The following AKAP7 variants were observed in gnomAD, a reference collection of about 807,000 sequenced individuals.
AKAP7 encodes A kinase (PRKA) anchor protein 7.
In AKAP7, 39 loss-of-function variants were observed where a neutral mutation model predicts 39.5. That is an observed-to-expected ratio of 0.99 (90% CI 0.76 to 1.29). The LOEUF (loss-of-function observed/expected upper bound fraction) is 1.29. Ranked by LOEUF, AKAP7 falls within the 50% of genes most tolerant of loss-of-function variation. AKAP7 has a pLI of 0.00. For synonymous variants in AKAP7, 140 were observed against 139.1 expected (o/e 1.01, Z -0.05); for missense variants, 414 against 407.7 (o/e 1.02, Z -0.13).
intron 7 of AKAP7, among the ~76,000 whole-genome samples, chr6:131,247,334 T>C (rs1272480223): frequency 2.2e-5 from 3 of 134,786 alleles, no homozygotes; most frequent in Non-Finnish European, 4.8e-5. Flanking sequence ...TTCTTTTTTT[T>C]TTTTTTTCCG....
intron 6 of AKAP7, among the ~76,000 whole-genome samples, chr6:131,203,056 G>T (rs1807754181): frequency 6.6e-6 from 1 of 152,120 alleles, no homozygotes; most frequent in Non-Finnish European, 1.5e-5. Flanking sequence ...CAGATGATCT[G>T]CAGAGGAATA....
At chr6:131,269,205 G>A (rs943947826) in intron 7 of AKAP7, among the ~76,000 whole-genome samples, 15 of 152,182 alleles carry the variant, frequency 9.9e-5, no homozygotes, top group African/African-American at 3.6e-4. Flanking sequence ...TGGGATTACA[G>A]ACATGAGCCA....
intron 5 of AKAP7, among the ~76,000 whole-genome samples, chr6:131,176,539 G>A (rs1470366351): frequency 6.6e-6 from 1 of 151,902 alleles, no homozygotes; most frequent in African/African-American, 2.4e-5. Context: ...AATTATAATA[G>A]TTCTTGCAAA....
intron 4 of AKAP7, among the ~76,000 whole-genome samples, chr6:131,165,518 C>T (rs1803392756): frequency 2.0e-5 from 3 of 152,180 alleles, no homozygotes; most frequent in African/African-American, 7.2e-5. Flanking sequence ...ATTCTGGAAT[C>T]ATGGCAAAAC....
chr6:131,145,629 G>A (rs1801423809), intron 2 of AKAP7, among the ~76,000 whole-genome samples: 1 of 152,102 alleles, frequency 6.6e-6, no homozygotes, highest in African/African-American at 2.4e-5. Context: ...CTGCAGCCTT[G>A]ACCTGCCAGT....
chr6:131,157,807 T>G lies in AKAP7; in HGVS notation c.152-2252T>G, dbSNP rs143342800. Among the ~76,000 whole-genome samples, 4 of 152,356 alleles carry G rather than the reference T, an allele frequency of 2.6e-5. No homozygotes were observed. The East Asian group carries it at 7.7e-4, about 29-fold the overall frequency. On this transcript the variant is annotated intron_variant, in intron 2 of 7. Transcript: ENST00000431975. The stretch of plus-strand genomic sequence containing the variant: ...CGTGTATCCTCTAATCATGAAGAGC[T>G]ATCATTAGCCACATTAATCATTAGA...
At chr6:131,150,868 G>C (rs899100142) in intron 2 of AKAP7, among the ~76,000 whole-genome samples, 1 of 152,104 alleles carries the variant, frequency 6.6e-6, no homozygotes, top group African/African-American at 2.4e-5. Flanking sequence ...TCCTTAAAAC[G>C]TAACTAGCCT....
chr6:131,184,628 C>T, intron 5 of AKAP7: 1 of 755,456 alleles, frequency 1.3e-6, no homozygotes, highest in South Asian at 1.4e-5. Flanking sequence ...GACACCACCT[C>T]CTCAGGTTGT....
intron 7 of AKAP7, among the ~76,000 whole-genome samples, chr6:131,249,413 C>T (rs1422078218): frequency 6.6e-6 from 1 of 151,962 alleles, no homozygotes; most frequent in East Asian, 1.9e-4. Context: ...GCTGCAGGCT[C>T]TTTTTGTTTG....
At chr6:131,133,145 T>C (rs138142052), upstream of AKAP7, among the ~76,000 whole-genome samples, 899 of 152,272 alleles carry the variant, frequency 5.9e-3, 5 homozygotes, top group African/African-American at 0.02. Flanking sequence ...TTCTAAAAAG[T>C]CATGGTAAAT....
chr6:131,268,120 T>C (rs1287385484), intron 7 of AKAP7, among the ~76,000 whole-genome samples: 19 of 152,192 alleles, frequency 1.2e-4, no homozygotes, highest in Admixed American at 1.2e-3. Context: ...TATTGGACAT[T>C]TCAAGCTGAG....
At chr6:131,132,314 G>GAA (rs11307437), upstream of AKAP7, among the ~76,000 whole-genome samples, 12,506 of 143,326 alleles carry the variant, frequency 0.087, 1,238 homozygotes, top group East Asian at 0.56. Flanking sequence ...TTCCGTCTCA[G>GAA]AAAAAAAAAA....
intron 2 of AKAP7, among the ~76,000 whole-genome samples, chr6:131,148,907 C>T (rs977108236): frequency 2.0e-5 from 3 of 152,144 alleles, no homozygotes; most frequent in Admixed American, 2.0e-4. Context: ...CCTCAAAATT[C>T]TCAGGTTGTT....
At chr6:131,230,617 G>A (rs527299562) in intron 7 of AKAP7, among the ~76,000 whole-genome samples, 1 of 152,136 alleles carries the variant, frequency 6.6e-6, no homozygotes, top group South Asian at 2.1e-4. Context: ...TTTTGTTTTT[G>A]TTGCAATTGC....
Position 131,226,705 on chromosome 6 carries a change from T to A in AKAP7, c.850+6897T>A, listed in dbSNP as rs149844924. Among the ~76,000 whole-genome samples, 492 of 152,364 alleles carry A rather than the reference T, an allele frequency of 3.2e-3. 4 individuals carry two copies. Among genetic ancestry groups the A allele is most frequent in the African/African-American group, 0.011 (464 of 41,590 alleles). ...AGTGCTTGCAAAGACTAGTTTACTTTCAGCTGTCAGACATATCTTACAGGA... is the reference window on the plus strand; with the variant it reads ...AGTGCTTGCAAAGACTAGTTTACTTACAGCTGTCAGACATATCTTACAGGA... On this transcript the variant is annotated intron_variant, in intron 7 of 7. Transcript: ENST00000431975.
intron 5 of AKAP7, among the ~76,000 whole-genome samples, chr6:131,183,775 A>G (rs1805524917): frequency 6.6e-6 from 1 of 152,060 alleles, no homozygotes; most frequent in Non-Finnish European, 1.5e-5. Flanking sequence ...AAAGAATCCT[A>G]CGTAGCAGGA....
At chr6:131,139,159 A>T (rs1456005460) in intron 1 of AKAP7, among the ~76,000 whole-genome samples, 3 of 152,228 alleles carry the variant, frequency 2.0e-5, no homozygotes, top group Non-Finnish European at 4.4e-5. Flanking sequence ...TTGCCCAAAC[A>T]CTAGAGCTTA....
intron 2 of AKAP7, among the ~76,000 whole-genome samples, chr6:131,152,284 G>T (rs917924561): frequency 3.3e-5 from 5 of 152,156 alleles, no homozygotes; most frequent in Non-Finnish European, 7.4e-5. Context: ...TCTACATTTT[G>T]TTCTATGGTC....
intron 5 of AKAP7, among the ~76,000 whole-genome samples, chr6:131,181,190 C>A (rs149386725): frequency 0.053 from 8,063 of 152,198 alleles, 302 homozygotes; most frequent in Non-Finnish European, 0.075. Context: ...CCTGCCTCGG[C>A]CTCCCAAAAT....
Sources: allele counts gnomAD v4.1 joint callset (sites outside exome capture counted in the v4.1 genomes callset), GRCh38; gene constraint gnomAD v4.1.1; transcripts MANE v1.5; gene names NCBI Gene and HGNC (gene_info 2026-07-23, HGNC 2026-07-21).